The following BIRC6 variants were observed in gnomAD, a reference collection of about 807,000 sequenced individuals.
BIRC6 encodes dual E2 ubiquitin-conjugating enzyme/E3 ubiquitin-protein ligase BIRC6.
In BIRC6, 98 loss-of-function variants were observed where a neutral mutation model predicts 503.3. The observed-to-expected ratio is 0.19, with a 90% CI of 0.17 to 0.23. BIRC6 has a LOEUF of 0.23. Among genes scored for constraint, BIRC6 ranks in the 10% least tolerant of loss-of-function variants. The pLI is 1.00. For synonymous variants in BIRC6, 2,240 were observed against 2,078.7 expected, an observed-to-expected ratio of 1.08 and a Z score of -2.11; for missense variants, 5,360 against 5,806.0, an observed-to-expected ratio of 0.92 and a Z score of 2.50.
chr2:32,461,939 A>G (rs2048037629), intron 23 of BIRC6, among the ~76,000 whole-genome samples: 2 of 152,068 alleles, frequency 1.3e-5, no homozygotes, highest in African/African-American at 4.8e-5. Flanking sequence ...GCTTAACACT[A>G]TGCCCTTCAT....
intron 10 of BIRC6, among the ~76,000 whole-genome samples, chr2:32,425,989 G>T (rs2043447088): frequency 6.6e-6 from 1 of 152,278 alleles, no homozygotes; most frequent in East Asian, 1.9e-4. Context: ...CCAGAAATCA[G>T]TCTCCTCTGT....
intron 42 of BIRC6, among the ~76,000 whole-genome samples, chr2:32,489,461 G>T (rs987968468): frequency 1.3e-5 from 2 of 151,250 alleles, no homozygotes; most frequent in South Asian, 4.2e-4. Context: ...GTTTTCATCT[G>T]TTTTTAATTT....
Position 32,469,482 on chromosome 2 carries a change from C to A in BIRC6, c.6215C>A (p.Pro2072Gln), listed in dbSNP as rs2048898838. 1 of 1,613,896 alleles carries A rather than the reference C, an allele frequency of 6.2e-7. No individual in the cohort carries two copies. Residue 2072 changes from proline (P) to glutamine (Q), a missense_variant, in exon 30 of 74, where the codon CCA (proline) becomes CAA (glutamine). Coordinates refer to ENST00000421745, the MANE Select transcript of BIRC6 (RefSeq NM_016252.4). ...AAACACTTGTGCATCAGTGGAACCC[C>A]AAAGATACGGTTACATACTGGTCTT... is the stretch of plus-strand genomic sequence containing the variant. ...LFKHLCISGT[P>Q]KIRLHTGLLL...
Position 32,395,609 on chromosome 2 carries a change from T to C in BIRC6, c.1034+16T>C. On this transcript the variant is annotated intron_variant, in intron 6 of 73. Coordinates refer to ENST00000421745, the MANE Select transcript of BIRC6 (RefSeq NM_016252.4). ...ATGAACCTTGGTGAGTCTTGATGTT[T>C]CTGGGCATAATAGGCTAAGTCAGTC... The C allele has an allele frequency of 6.3e-7, 1 of 1,581,344 alleles. No homozygotes were observed. The highest frequency in any genetic ancestry group is 8.7e-7 in the Non-Finnish European group (1 of 1,150,676).
rs1005432172 is a variant in BIRC6 at position 32,448,650 on chromosome 2, C to CGTGG, written c.4485-144_4485-141dup. The CGTGG allele has an allele frequency of 3.3e-6, 2 of 609,638 alleles. 1 individual carries two copies. The highest frequency in any genetic ancestry group is 4.2e-5 in the African/African-American group (2 of 47,596). The allele number at this position is 609,638 out of a possible 1,614,324, so 37.8% of individuals were successfully genotyped here. A position where few individuals can be genotyped will look rare whatever the true frequency, so the allele number is the denominator to read the frequency against. ...TCAGAGGGAGACCGTGGAAGGGGAC[C>CGTGG]GTGGAGAGGGGAGAGGGGAGAGGGG... On this transcript the variant is annotated intron_variant, in intron 21 of 73. Transcript: ENST00000421745.
In BIRC6 at chr2:32,575,258, C is replaced by A; in HGVS notation, c.13247C>A (p.Ser4416Tyr). ...AAMVPLLLPL[S>Y]TENGEEEEEQ... ...ATGGTGCCCCTATTGTTGCCCCTTT[C>A]TACAGAGAACGGTGAAGAGGAAGAA... Residue 4416 changes from serine (S) to tyrosine (Y), a missense_variant, in exon 66 of 74, where the codon TCT becomes TAT. Transcript: ENST00000421745. 1 of 1,613,976 alleles carries A rather than the reference C, an allele frequency of 6.2e-7. No homozygotes were observed. Among genetic ancestry groups the A allele is most frequent in the Non-Finnish European group, 8.5e-7 (1 of 1,179,876 alleles).
At position 32,435,342 on chromosome 2, in the gene BIRC6, C is replaced by T. The variant is rs1037334561; in HGVS notation, c.3410-154C>T. On this transcript the variant is annotated intron_variant, in intron 13 of 73. Transcript: ENST00000421745. ...TTTTCCTCCAATCATTTTATAGCAT[C>T]TGTGATGAAAATCACAGAAGTTCCC... The T allele has an allele frequency of 7.7e-6, 3 of 387,366 alleles. No individual in the cohort carries two copies. In the Admixed American group the frequency reaches 1.9e-4, roughly 25 times the overall value. 24.0% of individuals were successfully genotyped at this position (387,366 alleles called of 1,614,324 possible). A position where few individuals can be genotyped will look rare whatever the true frequency, so the allele number is the denominator to read the frequency against.
At chr2:32,404,364 C>G (rs1325790985) in intron 8 of BIRC6, among the ~76,000 whole-genome samples, 3 of 151,342 alleles carry the variant, frequency 2.0e-5, no homozygotes, top group Non-Finnish European at 4.4e-5. Context: ...GTCGCCCATG[C>G]TGGAGTGCAG....
chr2:32,424,462 T>G (rs1014139415), intron 10 of BIRC6, among the ~76,000 whole-genome samples: 2 of 152,066 alleles, frequency 1.3e-5, no homozygotes, highest in Admixed American at 1.3e-4. Context: ...TCAGTTGTTT[T>G]GGGTATATAC....
At chr2:32,482,654 C>A (rs975562057) in intron 39 of BIRC6, 72 bp downstream of exon 39, 1 of 1,538,588 alleles carries the variant, frequency 6.5e-7, no homozygotes, top group African/African-American at 1.4e-5. Context: ...ATACTTTGTC[C>A]CTTGAGAAGT....
At chr2:32,567,808 A>C (rs2059632651) in intron 65 of BIRC6, among the ~76,000 whole-genome samples, 1 of 152,186 alleles carries the variant, frequency 6.6e-6, no homozygotes, top group African/African-American at 2.4e-5. Context: ...CAGGTAAAAG[A>C]GTGGGGAAGG....
chr2:32,590,279 CTT>C (rs1453534776), intron 66 of BIRC6, among the ~76,000 whole-genome samples: 13 of 152,266 alleles, frequency 8.5e-5, no homozygotes, highest in South Asian at 2.1e-4. Context: ...GTTTCATTCT[CTT>C]ATAGTTTTAG....
In BIRC6 at chr2:32,465,184, AAT is replaced by A; in HGVS notation, c.5356+21_5356+22del. The A allele has an allele frequency of 8.5e-6, 11 of 1,289,588 alleles. No individual in the cohort carries two copies. The highest frequency in any genetic ancestry group is 1.5e-5 in the South Asian group (1 of 65,136). 79.9% of individuals were successfully genotyped at this position (1,289,588 alleles called of 1,614,324 possible). A position where few individuals can be genotyped will look rare whatever the true frequency, so the allele number is the denominator to read the frequency against. On this transcript the variant is annotated intron_variant, in intron 26 of 73. Transcript: ENST00000421745. Reference sequence around the variant, plus strand: ...ATTCAGGTAATCTTTTACTTTCTTAAATTTTTTTTTTTTTTTTTTTGCTTAGT... The same window carrying A: ...ATTCAGGTAATCTTTTACTTTCTTAATTTTTTTTTTTTTTTTTTGCTTAGT...
intron 4 of BIRC6, 89 bp downstream of exon 4, chr2:32,389,032 T>C: frequency 1.1e-6 from 1 of 916,958 alleles, no homozygotes; most frequent in East Asian, 3.3e-5. Flanking sequence ...CTGGTTATGA[T>C]TTTTAAAAAT....
At chr2:32,514,921 A>G (rs1426251447) in intron 54 of BIRC6, 69 bp from the exon 55 acceptor site, 2 of 1,255,590 alleles carry the variant, frequency 1.6e-6, no homozygotes, top group Non-Finnish European at 2.2e-6. Context: ...GAACTATAAC[A>G]GAAATATTTG....
chr2:32,544,217 G>T (rs1484346807), intron 62 of BIRC6, among the ~76,000 whole-genome samples: 4 of 152,060 alleles, frequency 2.6e-5, no homozygotes, highest in Non-Finnish European at 4.4e-5. Context: ...AGCAATAAAG[G>T]TTTATTAAAA....
intron 9 of BIRC6, among the ~76,000 whole-genome samples, chr2:32,410,961 A>T (rs542982992): frequency 1.6e-4 from 24 of 152,086 alleles, no homozygotes; most frequent in Non-Finnish European, 2.9e-4. Context: ...CGGCCTCCCA[A>T]AGTGCTGGGA....
rs1039816477 is a variant in BIRC6, at chr2:32,543,543, T to G, written c.12592+2T>G. On this transcript the variant is annotated splice_donor_variant, in intron 62 of 73. Coordinates refer to ENST00000421745, the MANE Select transcript of BIRC6 (RefSeq NM_016252.4). LOFTEE classifies it high-confidence loss of function. The stretch of plus-strand genomic sequence containing the variant: ...GAGTGACAGATGATGGAGAAGGAAG[T>G]AAGTGTTTAGTATTAAATTTATCAA... 6.2e-7 allele frequency: 1 copy of G among 1,611,910 alleles called. No individual in the cohort carries two copies. Among genetic ancestry groups the G allele is most frequent in the Non-Finnish European group, 8.5e-7 (1 of 1,179,570 alleles).
chr2:32,500,285 A>G (rs964924507), intron 46 of BIRC6, among the ~76,000 whole-genome samples, 176 bp downstream of exon 46: 1 of 152,152 alleles, frequency 6.6e-6, no homozygotes, highest in East Asian at 1.9e-4. Flanking sequence ...AATGAATGAA[A>G]GTGAAATATT....
Sources: gnomAD v4.1 joint callset for allele counts (sites outside exome capture counted in the v4.1 genomes callset) on GRCh38, gnomAD v4.1.1 for gene constraint, MANE v1.5 for transcripts, NCBI Gene and HGNC (gene_info 2026-07-23, HGNC 2026-07-21) for gene names.